SYTL1: variants seen among roughly 807,000 people sequenced by gnomAD.
SYTL1 encodes synaptotagmin like 1.
In SYTL1, 53 loss-of-function variants were observed where a neutral mutation model predicts 74.6. That is an observed-to-expected ratio of 0.71 (90% CI 0.57 to 0.89). SYTL1 has a LOEUF of 0.89. Ranked by LOEUF, SYTL1 falls within the 40% of genes least tolerant of loss-of-function variation. The pLI, the probability that SYTL1 is intolerant of heterozygous loss-of-function variation, is 0.00. For synonymous variants in SYTL1, 329 were observed against 324.9 expected (o/e 1.01, Z -0.14); for missense variants, 728 against 768.7 (o/e 0.95, Z 0.63).
Position 27,350,984 on chromosome 1 carries a change from C to G in SYTL1, c.1164+32C>G, listed in dbSNP as rs1338094993. ...CAGCCAGGCCGCGTGGGGAGACCTG[C>G]GGCCCGGGTCTCCTGCATTTACCCC... On this transcript the variant is annotated intron_variant, in intron 11 of 14. Transcript: ENST00000616558. The surrounding 1 kb of genome is among the most constrained non-coding windows in gnomAD (Gnocchi z 6.3). 1.2e-6 allele frequency: 2 copies of G among 1,609,542 alleles called. No homozygotes were observed. The highest frequency in any genetic ancestry group is 1.3e-5 in the African/African-American group (1 of 74,982).
Position 27,343,994 on chromosome 1 carries a change from C to CCAT in SYTL1, c.-38-1301_-38-1299dup, listed in dbSNP as rs2014889847. ...TTGCCCAGGCTGGAGTGCAGTGGCG[C>CCAT]CATCTCAGCTCACTGCAACCTCCTT... On this transcript the variant is annotated intron_variant, in intron 1 of 14. Coordinates refer to ENST00000616558, the MANE Select transcript of SYTL1 (RefSeq NM_001193308.2). The surrounding 1 kb of genome is among the most constrained non-coding windows in gnomAD (Gnocchi z 5.2). Among the ~76,000 whole-genome samples the CCAT allele has an allele frequency of 6.6e-6, 1 of 151,034 alleles. No homozygotes were observed. Among genetic ancestry groups the CCAT allele is most frequent in the Non-Finnish European group, 1.5e-5 (1 of 67,664 alleles).
At position 27,352,868 on chromosome 1, in the gene SYTL1, C is replaced by T. The variant is rs1031123960; in HGVS notation, c.1344-415C>T. The T allele has an allele frequency of 3.4e-5, 7 of 206,208 alleles. No individual in the cohort carries two copies. In the East Asian group the frequency reaches 3.7e-4, roughly 11 times the overall value. The allele number at this position is 206,208 out of a possible 1,614,324, so 12.8% of individuals were successfully genotyped here. A position where few individuals can be genotyped will look rare whatever the true frequency, so the allele number is the denominator to read the frequency against. On this transcript the variant is annotated intron_variant, in intron 13 of 14. Transcript: ENST00000616558. ...TGGTGTGATTTCAGCTCACTGCAGC[C>T]GCAGTCTCCTGGGCTCCAACGATTC...
chr1:27,353,890 G>A lies in SYTL1; in HGVS notation c.*38G>A, dbSNP rs572614867. On this transcript the variant is annotated 3_prime_UTR_variant, in exon 15 of 15. Coordinates refer to ENST00000616558, the MANE Select transcript of SYTL1 (RefSeq NM_001193308.2). ...TCTCTCTCTGGACCCCCATCTCAGG[G>A]CCTGCCCTTGGCTAAAGTCAATAAA... 36 of 1,592,696 alleles carry A rather than the reference G, an allele frequency of 2.3e-5. No individual in the cohort carries two copies. In the South Asian group the frequency reaches 3.6e-4, roughly 16 times the overall value.
chr1:27,345,300 G>A lies in SYTL1; in HGVS notation c.-35G>A. 7.0e-7 allele frequency: 1 copy of A among 1,435,666 alleles called. No individual in the cohort carries two copies. The highest frequency in any genetic ancestry group is 9.2e-7 in the Non-Finnish European group (1 of 1,090,882). The allele number at this position is 1,435,666 out of a possible 1,614,324, so 88.9% of individuals were successfully genotyped here. On this transcript the variant is annotated 5_prime_UTR_variant, in exon 2 of 15. Transcript: ENST00000616558. The surrounding 1 kb of genome is among the most constrained non-coding windows in gnomAD (Gnocchi z 6.0). ...CTGACCCTCGGTCTGCCCCCAGGAAGCTCCGTGTGCCCAGCTGGGGCACAG... is the reference window on the plus strand; with the variant it reads ...CTGACCCTCGGTCTGCCCCCAGGAAACTCCGTGTGCCCAGCTGGGGCACAG...
At position 27,348,636 on chromosome 1, in the gene SYTL1, G is replaced by A. The variant is rs1465543330; in HGVS notation, c.460-444G>A. 6.6e-6 allele frequency among the ~76,000 whole-genome samples: 1 copy of A among 152,138 alleles called. No individual in the cohort carries two copies. The highest frequency in any genetic ancestry group is 6.5e-5 in the Admixed American group (1 of 15,268). On this transcript the variant is annotated intron_variant, in intron 5 of 14. Coordinates refer to ENST00000616558, the MANE Select transcript of SYTL1 (RefSeq NM_001193308.2). The surrounding 1 kb of genome is among the most constrained non-coding windows in gnomAD (Gnocchi z 4.1). ...GCAGGAGAATCGCTTGAACCCAGGA[G>A]GCGGAGGTTGCAGTGAGCCAAGATC...
chr1:27,342,336 A>G lies in SYTL1; in HGVS notation c.-39+186A>G, dbSNP rs1277096505. The G allele has an allele frequency of 1.0e-6, 1 of 985,372 alleles. No individual in the cohort carries two copies. The allele number at this position is 985,372 out of a possible 1,614,324, so 61.0% of individuals were successfully genotyped here. ...TGGGTCTGTCCCACCGTGTCAAAAC[A>G]GCAGAGAAGACCAAACTCCTACCTA... On this transcript the variant is annotated intron_variant, in intron 1 of 14. Transcript: ENST00000616558. This position sits in a 1 kb window ranked among gnomAD's most constrained non-coding sequence, Gnocchi z 4.7.
intron 13 of SYTL1, chr1:27,352,166 C>T (rs2015305346): frequency 2.0e-5 from 3 of 151,706 alleles, no homozygotes; most frequent in African/African-American, 7.3e-5. Flanking sequence ...ATGGTGAAAC[C>T]CCATCTCTAT....
At position 27,348,192 on chromosome 1, in the gene SYTL1, A is replaced by ATGG. The variant is rs1300011706; in HGVS notation, c.459+185_459+187dup. On this transcript the variant is annotated intron_variant, in intron 5 of 14. Coordinates refer to ENST00000616558, the MANE Select transcript of SYTL1 (RefSeq NM_001193308.2). This position sits in a 1 kb window ranked among gnomAD's most constrained non-coding sequence, Gnocchi z 4.1. Reference sequence around the variant, plus strand: ...GGTGAACGGTGGGGAACGGTGGTGAATGGTGGTAAACAGTGGTGAACGGTG... The same window carrying ATGG: ...GGTGAACGGTGGGGAACGGTGGTGAATGGTGGTGGTAAACAGTGGTGAACGGTG... Among the ~76,000 whole-genome samples the ATGG allele has an allele frequency of 1.3e-5, 2 of 152,074 alleles. No individual in the cohort carries two copies. The highest frequency in any genetic ancestry group is 3.9e-4 in the East Asian group (2 of 5,186).
In SYTL1 at chr1:27,343,787, C is replaced by T. The variant is rs1361385776; in HGVS notation, c.-38-1510C>T. On this transcript the variant is annotated intron_variant, in intron 1 of 14. Coordinates refer to ENST00000616558, the MANE Select transcript of SYTL1 (RefSeq NM_001193308.2). This position sits in a 1 kb window ranked among gnomAD's most constrained non-coding sequence, Gnocchi z 5.2. ...CCAAGGAGCTCACAACCCAGTTAGCCGGGCAATGTATGTGTGCCAAAGTCT... is the reference window on the plus strand; with the variant it reads ...CCAAGGAGCTCACAACCCAGTTAGCTGGGCAATGTATGTGTGCCAAAGTCT... Among the ~76,000 whole-genome samples the T allele has an allele frequency of 2.0e-5, 3 of 152,124 alleles. No homozygotes were observed. Among genetic ancestry groups the T allele is most frequent in the Non-Finnish European group, 4.4e-5 (3 of 68,014 alleles).
rs2014822949 is a variant in SYTL1 at position 27,342,690 on chromosome 1, C to G, written c.-39+540C>G. On this transcript the variant is annotated intron_variant, in intron 1 of 14. Transcript: ENST00000616558. This position sits in a 1 kb window ranked among gnomAD's most constrained non-coding sequence, Gnocchi z 4.7. ...ACACACCACACAGACAATATAGTCACCATGCAGCATCACACTGCAACAGGA... is the reference window on the plus strand; with the variant it reads ...ACACACCACACAGACAATATAGTCAGCATGCAGCATCACACTGCAACAGGA... Among the ~76,000 whole-genome samples the G allele has an allele frequency of 6.6e-6, 1 of 152,108 alleles. No individual in the cohort carries two copies. Among genetic ancestry groups the G allele is most frequent in the Non-Finnish European group, 1.5e-5 (1 of 68,006 alleles).
chr1:27,349,032 T>C, intron 5 of SYTL1, 48 bp from the exon 6 acceptor site: 1 of 1,468,400 alleles, frequency 6.8e-7, no homozygotes, highest in Non-Finnish European at 9.5e-7. Flanking sequence ...CTTTGACCTC[T>C]TCCTCACCAG....
intron 1 of SYTL1, among the ~76,000 whole-genome samples, chr1:27,344,350 G>C (rs959559446): frequency 6.6e-6 from 1 of 151,722 alleles, no homozygotes; most frequent in Non-Finnish European, 1.5e-5. Flanking sequence ...TGATCTGCCC[G>C]CCTTGGCATC....
chr1:27,346,216 C>T (rs183087483), intron 2 of SYTL1, among the ~76,000 whole-genome samples: 5 of 152,250 alleles, frequency 3.3e-5, no homozygotes, highest in Non-Finnish European at 7.4e-5. Context: ...ACCATAACTC[C>T]GACCCGACAC....
chr1:27,353,779 C>T lies in SYTL1; in HGVS notation c.1616C>T (p.Ala539Val). The change falls in exon 15 of 15, where the codon GCC becomes GTC. Residue 539 changes from alanine (A) to valine (V), a missense_variant. Ala to Val is a moderately conservative substitution (Grantham distance 64, BLOSUM62 0). Transcript: ENST00000616558. ...CCTGAGGAGAAGCAGCTGTGGCAAG[C>T]CCTCCTGGAGCAGCCGTGCGAATGG... The part of the protein sequence containing the change: ...STPEEKQLWQ[A>V]LLEQPCEWVD... 1 of 1,614,072 alleles carries T rather than the reference C, an allele frequency of 6.2e-7. No individual in the cohort carries two copies. The highest frequency in any genetic ancestry group is 8.5e-7 in the Non-Finnish European group (1 of 1,179,978).
chr1:27,349,075 T>A lies in SYTL1; in HGVS notation c.460-5T>A. ...ACTGTGACCTCTACCCCTTTCTTCC[T>A]TCAGGGACCTGATTTCCCATCGCCT... is the stretch of plus-strand genomic sequence containing the variant. On this transcript the variant is annotated splice_polypyrimidine_tract_variant and splice_region_variant and intron_variant, in intron 5 of 14. Transcript: ENST00000616558. 1.9e-6 allele frequency: 3 copies of A among 1,612,380 alleles called. No individual in the cohort carries two copies. The highest frequency in any genetic ancestry group is 2.5e-6 in the Non-Finnish European group (3 of 1,178,464).
intron 1 of SYTL1, chr1:27,344,990 A>G (rs1303317331): frequency 5.4e-6 from 1 of 184,232 alleles, no homozygotes; most frequent in Non-Finnish European, 1.1e-5. Context: ...ATGTGCGACC[A>G]TATCTATGCC....
chr1:27,347,335 C>T lies in SYTL1; in HGVS notation c.192-86C>T. On this transcript the variant is annotated intron_variant, in intron 2 of 14. Transcript: ENST00000616558. This position sits in a 1 kb window ranked among gnomAD's most constrained non-coding sequence, Gnocchi z 4.9. ...TCTGATTTGCTGTTGGGTCCCTGGC[C>T]CCTGGTCCCAAGCCTGTTAACAATG... The T allele has an allele frequency of 6.3e-7, 1 of 1,581,746 alleles. No homozygotes were observed. Among genetic ancestry groups the T allele is most frequent in the South Asian group, 1.1e-5 (1 of 88,578 alleles).
rs2015035417 is a variant in SYTL1, at chr1:27,347,205, T to G, written c.192-216T>G. Among the ~76,000 whole-genome samples, 1 of 152,260 alleles carries G rather than the reference T, an allele frequency of 6.6e-6. No individual in the cohort carries two copies. Among genetic ancestry groups the G allele is most frequent in the Non-Finnish European group, 1.5e-5 (1 of 68,048 alleles). On this transcript the variant is annotated intron_variant, in intron 2 of 14. Transcript: ENST00000616558. The surrounding 1 kb of genome is among the most constrained non-coding windows in gnomAD (Gnocchi z 4.9). ...CCTCCTGGATTCTCACAGGCAGAGCTGGCTCTTCTTACTTCTATCACATCA... is the reference window on the plus strand; with the variant it reads ...CCTCCTGGATTCTCACAGGCAGAGCGGGCTCTTCTTACTTCTATCACATCA...
Position 27,345,593 on chromosome 1 carries a change from C to T in SYTL1, c.191+68C>T, listed in dbSNP as rs569930929. On this transcript the variant is annotated intron_variant, in intron 2 of 14. Transcript: ENST00000616558. The surrounding 1 kb of genome is among the most constrained non-coding windows in gnomAD (Gnocchi z 6.0). ...GAGTGGCCCCCATCCTGCTCCCTAC[C>T]GACACCACTGCCTGTCAGATGTCTG... The T allele has an allele frequency of 3.9e-5, 42 of 1,078,754 alleles. No individual in the cohort carries two copies. The highest frequency in any genetic ancestry group is 3.7e-4 in the African/African-American group (23 of 62,248). 66.8% of individuals were successfully genotyped at this position (1,078,754 alleles called of 1,614,324 possible).
Sources: allele counts gnomAD v4.1 joint callset (sites outside exome capture counted in the v4.1 genomes callset), GRCh38; gene constraint gnomAD v4.1.1; non-coding constraint Gnocchi (gnomAD v3.1); transcripts MANE v1.5; gene names NCBI Gene and HGNC (gene_info 2026-07-23, HGNC 2026-07-21).